Variants in ZFPM1 observed in about 807,000 individuals in gnomAD.
The protein encoded by ZFPM1 is zinc finger protein ZFPM1.
A neutral mutation model predicts 46.3 loss-of-function variants in ZFPM1; 28 were observed. The ratio of observed to expected loss-of-function variants is 0.60; its 90% confidence interval spans 0.45 to 0.83. ZFPM1 has a LOEUF of 0.83. Ranked by LOEUF, ZFPM1 falls within the 40% of genes least tolerant of loss-of-function variation. The probability of loss-of-function intolerance (pLI) is 0.00; values close to 1 mark genes in which losing one functional copy is unlikely to be tolerated. For missense variants in ZFPM1, 1,878 were observed against 1,432.4 expected, an observed-to-expected ratio of 1.31 and a Z score of -5.02; for synonymous variants, 957 against 675.9, an observed-to-expected ratio of 1.42 and a Z score of -6.45.
intron 4 of ZFPM1, among the ~76,000 whole-genome samples, chr16:88,517,230 G>GGA (rs1567548188): frequency 2.0e-5 from 2 of 99,136 alleles, no homozygotes; most frequent in African/African-American, 5.7e-5. Context: ...GGATGGATGG[G>GGA]TGGGTGGGTG....
intron 1 of ZFPM1, among the ~76,000 whole-genome samples, chr16:88,463,609 G>A (rs971122780): frequency 5.3e-5 from 8 of 152,274 alleles, no homozygotes; most frequent in African/African-American, 1.2e-4. Context: ...GGAAACTGAC[G>A]CTTAGAGAGT....
chr16:88,486,568 CAGTG>C (rs995355303), intron 2 of ZFPM1, among the ~76,000 whole-genome samples: 9 of 147,606 alleles, frequency 6.1e-5, no homozygotes, highest in African/African-American at 2.0e-4. Context: ...GCTGGGTACA[CAGTG>C]GGTGCTAGGT....
At chr16:88,509,941 A>G (rs992499187) in intron 3 of ZFPM1, among the ~76,000 whole-genome samples, 1 of 152,082 alleles carries the variant, frequency 6.6e-6, no homozygotes, top group African/African-American at 2.4e-5. Flanking sequence ...GGGAGGCGAC[A>G]GGGGCCTCTG....
intron 2 of ZFPM1, among the ~76,000 whole-genome samples, chr16:88,487,387 T>A (rs905343574): frequency 1.3e-5 from 2 of 152,204 alleles, no homozygotes; most frequent in Admixed American, 1.3e-4. Flanking sequence ...GTGGAGGGGA[T>A]GTGGCCATAC....
chr16:88,493,599 A>G (rs1444839341), intron 3 of ZFPM1, among the ~76,000 whole-genome samples: 310 of 37,130 alleles, frequency 8.3e-3, no homozygotes, highest in Middle Eastern at 0.023. Flanking sequence ...GTCCCGGGGT[A>G]GGGAGAGCTG....
intron 1 of ZFPM1, among the ~76,000 whole-genome samples, chr16:88,484,145 C>T (rs1457730237): frequency 6.6e-6 from 1 of 152,160 alleles, no homozygotes; most frequent in East Asian, 1.9e-4. Context: ...TGAAGGAGGA[C>T]AGTGGGGATT....
At chr16:88,508,997 G>A (rs145206597) in intron 3 of ZFPM1, among the ~76,000 whole-genome samples, 2,286 of 152,046 alleles carry the variant, frequency 0.015, 67 homozygotes, top group African/African-American at 0.052. Context: ...CCCGCCCCAC[G>A]CAGCTGACCC....
chr16:88,488,907 G>T (rs1166290241), intron 2 of ZFPM1, 124 bp from the exon 3 acceptor site: 7 of 1,428,560 alleles, frequency 4.9e-6, no homozygotes, highest in Non-Finnish European at 6.5e-6. Flanking sequence ...AGGAGATGGG[G>T]GTGGCTCTGG....
intron 3 of ZFPM1, among the ~76,000 whole-genome samples, chr16:88,500,242 T>C (rs576723571): frequency 6.6e-6 from 1 of 151,846 alleles, no homozygotes; most frequent in Non-Finnish European, 1.5e-5. Flanking sequence ...GAGCCCCGGC[T>C]ACTGCCCAGA....
chr16:88,488,200 G>T (rs375849051), intron 2 of ZFPM1, among the ~76,000 whole-genome samples: 1 of 152,098 alleles, frequency 6.6e-6, no homozygotes, highest in South Asian at 2.1e-4. Flanking sequence ...TGGAGGGGCC[G>T]CAGCAAAGGG....
chr16:88,491,021 CTCTCGGTCAGGCGCTGGTGCCTTCGG>C (rs1909536938), intron 3 of ZFPM1, among the ~76,000 whole-genome samples: 3 of 142,200 alleles, frequency 2.1e-5, no homozygotes, highest in African/African-American at 8.1e-5. Context: ...GCCTTCGGGG[CTCTCGGTCAGGCGCTGGTGCCTTCGG>C]GGGTCTCGGT....
At chr16:88,475,925 G>C (rs371119762) in intron 1 of ZFPM1, among the ~76,000 whole-genome samples, 10 of 152,144 alleles carry the variant, frequency 6.6e-5, no homozygotes, top group East Asian at 5.8e-4. Context: ...GTGGGCCCAG[G>C]GCAGTTAAGC....
chr16:88,511,170 G>A (rs1910939279), intron 3 of ZFPM1, among the ~76,000 whole-genome samples: 4 of 152,320 alleles, frequency 2.6e-5, no homozygotes, highest in South Asian at 4.1e-4. Context: ...CGCCCTCAGA[G>A]CTGTCGGTGC....
rs1417286498 is a variant in ZFPM1, at chr16:88,497,685, G to T, written c.268+8532G>T. On this transcript the variant is annotated intron_variant, in intron 3 of 9. Transcript: ENST00000319555. This position sits in a 1 kb window ranked among gnomAD's most constrained non-coding sequence, Gnocchi z 5.4. ...CCGGTCCAGCATCCCGGCGCTGGGA[G>T]CCGGCAGCTGCTGTGAGGCGGGAGG... 6.6e-6 allele frequency among the ~76,000 whole-genome samples: 1 copy of T among 152,174 alleles called. No individual in the cohort carries two copies. The highest frequency in any genetic ancestry group is 2.4e-5 in the African/African-American group (1 of 41,430).
Position 88,469,682 on chromosome 16 carries a change from TC to T in ZFPM1, c.40+16007del, listed in dbSNP as rs1908323204. 6.6e-6 allele frequency among the ~76,000 whole-genome samples: 1 copy of T among 152,152 alleles called. No individual in the cohort carries two copies. Among genetic ancestry groups the T allele is most frequent in the Non-Finnish European group, 1.5e-5 (1 of 68,018 alleles). On this transcript the variant is annotated intron_variant, in intron 1 of 9. Transcript: ENST00000319555. The surrounding 1 kb of genome is among the most constrained non-coding windows in gnomAD (Gnocchi z 4.3). ...AGACCTGGCTGGAGGCCCTGTCAGCTCCCACGGCACCTGAAAATCAGCCACA... is the reference window on the plus strand; with the variant it reads ...AGACCTGGCTGGAGGCCCTGTCAGCTCCACGGCACCTGAAAATCAGCCACA...
At chr16:88,529,072 G>A (rs1307416525) in intron 6 of ZFPM1, among the ~76,000 whole-genome samples, 1 of 152,252 alleles carries the variant, frequency 6.6e-6, no homozygotes, top group Non-Finnish European at 1.5e-5. Flanking sequence ...TTGAGCCCAG[G>A]AGTTCAAGGC....
chr16:88,530,053 G>A (rs1912664157), intron 6 of ZFPM1, among the ~76,000 whole-genome samples: 1 of 152,126 alleles, frequency 6.6e-6, no homozygotes, highest in African/African-American at 2.4e-5. Flanking sequence ...AGCAAAGGGG[G>A]TCCCCATCTG....
intron 1 of ZFPM1, among the ~76,000 whole-genome samples, chr16:88,482,490 G>A (rs1383867539): frequency 1.3e-5 from 2 of 152,198 alleles, no homozygotes; most frequent in Admixed American, 1.3e-4. Context: ...GCTTTGTGTG[G>A]AGCAGGAGCC....
chr16:88,489,274 C>G, intron 3 of ZFPM1, 121 bp downstream of exon 3: 1 of 1,406,734 alleles, frequency 7.1e-7, no homozygotes. Flanking sequence ...CCACCAGGCC[C>G]AGGCCTGTGC....
Sources: gnomAD v4.1 joint callset for allele counts (sites outside exome capture counted in the v4.1 genomes callset) on GRCh38, gnomAD v4.1.1 for gene constraint, Gnocchi (gnomAD v3.1) non-coding constraint, MANE v1.5 for transcripts, NCBI Gene and HGNC (gene_info 2026-07-23, HGNC 2026-07-21) for gene names.